ABTB2: variants seen among roughly 807,000 people sequenced by gnomAD.
ABTB2 encodes ankyrin repeat and BTB/POZ domain-containing protein 2.
A neutral mutation model predicts 104.1 loss-of-function variants in ABTB2; 56 were observed. That is an observed-to-expected ratio of 0.54 (90% CI 0.43 to 0.67). The LOEUF (loss-of-function observed/expected upper bound fraction) is 0.67, where lower values mean the gene tolerates loss of function less well. ABTB2 is among the 30% of genes least tolerant of loss of function. The pLI is 0.00. For missense variants in ABTB2, 1,279 were observed against 1,407.7 expected (o/e 0.91, Z 1.46); for synonymous variants, 606 against 608.2 (o/e 1.00, Z 0.05).
intron 1 of ABTB2, among the ~76,000 whole-genome samples, chr11:34,205,449 A>G (rs149121443): frequency 1.3e-3 from 205 of 152,344 alleles, no homozygotes; most frequent in African/African-American, 4.7e-3. Flanking sequence ...AGAAAAGTGA[A>G]ATCAGACTGG....
At chr11:34,239,980 A>C (rs1320535615) in intron 1 of ABTB2, among the ~76,000 whole-genome samples, 1 of 152,210 alleles carries the variant, frequency 6.6e-6, no homozygotes, top group Non-Finnish European at 1.5e-5. Context: ...GGACTGAATT[A>C]TCACTTAATA....
chr11:34,170,121 C>T (rs1255811304), intron 5 of ABTB2, among the ~76,000 whole-genome samples: 6 of 152,196 alleles, frequency 3.9e-5, no homozygotes, highest in African/African-American at 1.4e-4. Context: ...GGTTGAGAGG[C>T]TGGGTCCAGC....
chr11:34,237,305 G>A (rs191701763), intron 1 of ABTB2, among the ~76,000 whole-genome samples: 21 of 127,598 alleles, frequency 1.6e-4, no homozygotes, highest in East Asian at 1.5e-3. Flanking sequence ...TTTTTAGACC[G>A]AGTCTCGCTC....
At chr11:34,297,796 G>GAAAT (rs1554923796) in intron 1 of ABTB2, among the ~76,000 whole-genome samples, 3 of 123,074 alleles carry the variant, frequency 2.4e-5, no homozygotes, top group African/African-American at 3.2e-5. Flanking sequence ...AAAAATAAAG[G>GAAAT]AAAGAAAAAG....
chr11:34,329,287 C>T (rs1855103701), intron 1 of ABTB2, among the ~76,000 whole-genome samples: 2 of 152,150 alleles, frequency 1.3e-5, no homozygotes, highest in South Asian at 2.1e-4. Context: ...TTACCCTTGC[C>T]CTACTTAATG....
intron 1 of ABTB2, among the ~76,000 whole-genome samples, chr11:34,249,314 G>T (rs1394647463): frequency 6.6e-6 from 1 of 152,234 alleles, no homozygotes; most frequent in Non-Finnish European, 1.5e-5. Context: ...ACTGTGGTCA[G>T]TGTAGGACGA....
At position 34,159,314 on chromosome 11, in the gene ABTB2, C is replaced by T. The variant is rs182418117; in HGVS notation, c.2679G>A (p.Met893Ile). 395 of 1,613,898 alleles carry T rather than the reference C, an allele frequency of 2.4e-4. 1 individual carries two copies. The highest frequency in any genetic ancestry group is 3.0e-4 in the Non-Finnish European group (350 of 1,179,852). ...CACACACCTGAAAAATGTGGTACTT[C>T]ATGTCGCTGATCTCGATGGTCTTGC... ...DSSKTIEISD[M>I]KYHIFQMMMQ... is the part of the protein sequence containing the mutation. The change falls in exon 14 of 17, where the codon ATG (methionine) becomes ATA (isoleucine). Residue 893 changes from methionine (M) to isoleucine (I), a missense_variant. Transcript: ENST00000435224.
At position 34,357,570 on chromosome 11, in the gene ABTB2, T is replaced by G. The variant is rs936970997; in HGVS notation, c.14A>C (p.Tyr5Ser). The G allele has an allele frequency of 1.1e-5, 16 of 1,518,052 alleles. 1 individual carries two copies. In the African/African-American group the frequency reaches 2.1e-4, roughly 20 times the overall value. The allele number at this position is 1,518,052 out of a possible 1,614,324, so 94.0% of individuals were successfully genotyped here. A position where few individuals can be genotyped will look rare whatever the true frequency, so the allele number is the denominator to read the frequency against. Residue 5 changes from tyrosine to serine, a missense_variant, in exon 1 of 17, where the codon TAC becomes TCC. Coordinates refer to ENST00000435224, the MANE Select transcript of ABTB2 (RefSeq NM_145804.3). ...CTCCAGCGTCTTCAGAGTCGAGCTG[T>G]ACGTCCCGGCCATGGGGAGCCTGCC... is the stretch of plus-strand genomic sequence containing the variant. MAGT[Y>S]SSTLKTLEDL...
Position 34,356,447 on chromosome 11 carries a change from G to C in ABTB2, c.883+254C>G, listed in dbSNP as rs141741101. Reference sequence around the variant, plus strand: ...AGAGATTCAATCTCACCCAATCAATGAACAGCCCGCAGATAGTAACAATGC... The same window carrying C: ...AGAGATTCAATCTCACCCAATCAATCAACAGCCCGCAGATAGTAACAATGC... On this transcript the variant is annotated intron_variant, in intron 1 of 16. Transcript: ENST00000435224. The surrounding 1 kb of genome is among the most constrained non-coding windows in gnomAD (Gnocchi z 4.6). 2.8e-3 allele frequency among the ~76,000 whole-genome samples: 434 copies of C among 152,296 alleles called. 3 individuals carry two copies. The highest frequency in any genetic ancestry group is 9.8e-3 in the African/African-American group (408 of 41,554).
At chr11:34,292,071 A>C (rs1854569879) in intron 1 of ABTB2, among the ~76,000 whole-genome samples, 1 of 152,144 alleles carries the variant, frequency 6.6e-6, no homozygotes, top group African/African-American at 2.4e-5. Flanking sequence ...GAAATCTACC[A>C]AATTAGGGAA....
chr11:34,315,715 A>G (rs1359699588), intron 1 of ABTB2, among the ~76,000 whole-genome samples: 1 of 152,198 alleles, frequency 6.6e-6, no homozygotes, highest in Non-Finnish European at 1.5e-5. Context: ...TGTGGTAAGT[A>G]TAGTTCTGAA....
At chr11:34,225,736 CAA>C (rs1366470814) in intron 1 of ABTB2, among the ~76,000 whole-genome samples, 1 of 151,700 alleles carries the variant, frequency 6.6e-6, no homozygotes, top group Non-Finnish European at 1.5e-5. Flanking sequence ...GCCTGGGTAA[CAA>C]GAGTGAAACT....
chr11:34,297,586 G>C (rs1223657987), intron 1 of ABTB2, among the ~76,000 whole-genome samples: 1 of 152,050 alleles, frequency 6.6e-6, no homozygotes, highest in Non-Finnish European at 1.5e-5. Flanking sequence ...GAGGTTAGGA[G>C]TTTGACCCTG....
chr11:34,296,846 A>T (rs1044545886), intron 1 of ABTB2, among the ~76,000 whole-genome samples: 2 of 152,378 alleles, frequency 1.3e-5, no homozygotes, highest in African/African-American at 4.8e-5. Context: ...AAATCGCCAC[A>T]GTTGGAGAAG....
intron 1 of ABTB2, among the ~76,000 whole-genome samples, chr11:34,268,302 A>T (rs1854273604): frequency 6.6e-6 from 1 of 152,228 alleles, no homozygotes; most frequent in Non-Finnish European, 1.5e-5. Flanking sequence ...TGCTCACAGT[A>T]GAAAAATAAC....
At chr11:34,197,969 C>T (rs182376509) in intron 2 of ABTB2, among the ~76,000 whole-genome samples, 91 of 152,274 alleles carry the variant, frequency 6.0e-4, no homozygotes, top group Middle Eastern at 3.4e-3. Flanking sequence ...AGTATTTCAG[C>T]GGAGAAGGTC....
rs900037246 is a variant in ABTB2, at chr11:34,357,983, G to C, written c.-400C>G. The C allele has an allele frequency of 5.2e-6, 1 of 191,502 alleles. No homozygotes were observed. Among genetic ancestry groups the C allele is most frequent in the Non-Finnish European group, 1.1e-5 (1 of 94,806 alleles). 11.9% of individuals were successfully genotyped at this position (191,502 alleles called of 1,614,324 possible). A position where few individuals can be genotyped will look rare whatever the true frequency, so the allele number is the denominator to read the frequency against. ...GCGCAGCGCGAGTCCGGGACCAGCC[G>C]GCGAGAAAGCGCTCTGCAAACTTCT... is the stretch of plus-strand genomic sequence containing the variant. On this transcript the variant is annotated 5_prime_UTR_variant, in exon 1 of 17. Transcript: ENST00000435224.
At chr11:34,280,519 A>AG (rs1298647629) in intron 1 of ABTB2, among the ~76,000 whole-genome samples, 1 of 152,102 alleles carries the variant, frequency 6.6e-6, no homozygotes, top group Non-Finnish European at 1.5e-5. Context: ...TCTGGGAGGC[A>AG]GGATAGCTGT....
intron 1 of ABTB2, among the ~76,000 whole-genome samples, chr11:34,229,445 C>T (rs1356459253): frequency 6.7e-6 from 1 of 148,878 alleles, no homozygotes; most frequent in Non-Finnish European, 1.5e-5. Context: ...CGCACCACTG[C>T]ACTCCAGCCT....
Sources: allele counts gnomAD v4.1 joint callset (sites outside exome capture counted in the v4.1 genomes callset), GRCh38; gene constraint gnomAD v4.1.1; non-coding constraint Gnocchi (gnomAD v3.1); transcripts MANE v1.5; gene names NCBI Gene and HGNC (gene_info 2026-07-23, HGNC 2026-07-21).